The following CCNY variants were observed in gnomAD, a reference collection of about 807,000 sequenced individuals.
CCNY encodes cyclin-Y.
A neutral mutation model predicts 42.8 loss-of-function variants in CCNY; 19 were observed. That is an observed-to-expected ratio of 0.44 (90% CI 0.31 to 0.65). The LOEUF is 0.65. Among genes scored for constraint, CCNY ranks in the 30% least tolerant of loss-of-function variants. CCNY has a pLI of 0.07. For missense variants in CCNY, 370 were observed against 437.3 expected (o/e 0.85, Z 1.37); for synonymous variants, 165 against 162.7 (o/e 1.01, Z -0.11).
chr10:35,408,565 G>A (rs1837835229), intron 1 of CCNY, among the ~76,000 whole-genome samples: 1 of 152,128 alleles, frequency 6.6e-6, no homozygotes, highest in Non-Finnish European at 1.5e-5. Flanking sequence ...ACCTTCTTAA[G>A]GGTGGGGGAG....
At chr10:35,285,614 T>A (rs1165121104) in intron 3 of CCNY, among the ~76,000 whole-genome samples, 1 of 152,036 alleles carries the variant, frequency 6.6e-6, no homozygotes, top group African/African-American at 2.4e-5. Flanking sequence ...TTATCATAAT[T>A]ATTATTATTT....
intron 1 of CCNY, among the ~76,000 whole-genome samples, chr10:35,372,766 C>T (rs1034143159): frequency 6.6e-6 from 1 of 152,234 alleles, no homozygotes; most frequent in African/African-American, 2.4e-5. Context: ...ATGGCGCGAT[C>T]TCAGCTCACT....
At chr10:35,524,552 T>G (rs1344468165) in intron 4 of CCNY, among the ~76,000 whole-genome samples, 4 of 152,148 alleles carry the variant, frequency 2.6e-5, no homozygotes, top group African/African-American at 9.7e-5. Flanking sequence ...TCGGGCCGAG[T>G]CGGTACCCTG....
chr10:35,497,645 CAGG>C (rs1840027376), intron 2 of CCNY, among the ~76,000 whole-genome samples: 1 of 145,518 alleles, frequency 6.9e-6, no homozygotes, highest in Non-Finnish European at 1.5e-5. Flanking sequence ...GCAGGAGAGG[CAGG>C]AGAATTGCTT....
intron 1 of CCNY, among the ~76,000 whole-genome samples, chr10:35,374,610 G>A (rs1300524736): frequency 6.6e-6 from 1 of 152,194 alleles, no homozygotes; most frequent in Non-Finnish European, 1.5e-5. Context: ...TCCTCATTGA[G>A]CCCGTTAAAA....
intron 3 of CCNY, among the ~76,000 whole-genome samples, chr10:35,272,006 T>C (rs1287813432): frequency 1.3e-5 from 2 of 152,132 alleles, no homozygotes; most frequent in Non-Finnish European, 2.9e-5. Context: ...AATCTCTCTG[T>C]TTTTTTAGAC....
At chr10:35,278,440 C>T (rs528296424) in intron 3 of CCNY, among the ~76,000 whole-genome samples, 2 of 152,244 alleles carry the variant, frequency 1.3e-5, no homozygotes, top group East Asian at 1.9e-4. Context: ...GGGGTCCCTA[C>T]TGCCAGCTTG....
At chr10:35,478,370 A>G (rs1250771363) in intron 1 of CCNY, among the ~76,000 whole-genome samples, 4 of 151,658 alleles carry the variant, frequency 2.6e-5, no homozygotes, top group East Asian at 3.9e-4. Context: ...GAGGCATCAC[A>G]CTACCTGACT....
chr10:35,550,355 C>T (rs1023368771), intron 7 of CCNY, among the ~76,000 whole-genome samples: 13 of 152,200 alleles, frequency 8.5e-5, no homozygotes, highest in East Asian at 1.9e-4. Flanking sequence ...GCTTATGGCT[C>T]ATGACCTTAC....
At chr10:35,554,166 C>T (rs1271960063) in intron 8 of CCNY, among the ~76,000 whole-genome samples, 2 of 152,058 alleles carry the variant, frequency 1.3e-5, no homozygotes, top group African/African-American at 4.8e-5. Flanking sequence ...ACTACCACTG[C>T]AGGGGTGTCC....
chr10:35,282,720 C>CAA (rs71033390), intron 3 of CCNY, among the ~76,000 whole-genome samples: 16 of 88,248 alleles, frequency 1.8e-4, no homozygotes, highest in Middle Eastern at 6.0e-3. Flanking sequence ...GAGACTGTCT[C>CAA]AAAAAAAAAA....
At chr10:35,514,215 G>A (rs1009401472) in intron 3 of CCNY, among the ~76,000 whole-genome samples, 2 of 152,108 alleles carry the variant, frequency 1.3e-5, no homozygotes, top group African/African-American at 4.8e-5. Flanking sequence ...TTGTAGTCCT[G>A]ACAGTCAATA....
At chr10:35,506,872 C>A (rs1234367980) in intron 3 of CCNY, among the ~76,000 whole-genome samples, 3 of 152,204 alleles carry the variant, frequency 2.0e-5, no homozygotes, top group African/African-American at 7.2e-5. Context: ...AGCACAAATT[C>A]TTGACCACAG....
intron 1 of CCNY, among the ~76,000 whole-genome samples, chr10:35,477,826 T>C (rs1839552501): frequency 6.6e-6 from 1 of 151,728 alleles, no homozygotes; most frequent in African/African-American, 2.4e-5. Flanking sequence ...GGTATTCAAT[T>C]AGGAAAAGAG....
At chr10:35,467,599 TAAC>T (rs1431359259) in intron 1 of CCNY, among the ~76,000 whole-genome samples, 1 of 152,236 alleles carries the variant, frequency 6.6e-6, no homozygotes, top group East Asian at 1.9e-4. Context: ...TATATGCAAA[TAAC>T]AATAATTTTG....
upstream of CCNY, among the ~76,000 whole-genome samples, chr10:35,335,402 A>G: frequency 6.6e-6 from 1 of 152,136 alleles, no homozygotes; most frequent in East Asian, 1.9e-4. Flanking sequence ...GTTAACCTCC[A>G]AGGAACTCAA....
In CCNY at chr10:35,569,948, C is replaced by G; in HGVS notation, c.*778C>G. 6.5e-6 allele frequency: 1 copy of G among 152,780 alleles called. No individual in the cohort carries two copies. The highest frequency in any genetic ancestry group is 2.4e-5 in the African/African-American group (1 of 41,524). The allele number at this position is 152,780 out of a possible 1,614,324, so 9.5% of individuals were successfully genotyped here. A position where few individuals can be genotyped will look rare whatever the true frequency, so the allele number is the denominator to read the frequency against. On this transcript the variant is annotated 3_prime_UTR_variant, in exon 10 of 10. Transcript: ENST00000374704. ...GTGCTTGTGCCTTCCGATTTTCTTGCATTTGTTTTTTTCCTGACCTGAAGT... is the reference window on the plus strand; with the variant it reads ...GTGCTTGTGCCTTCCGATTTTCTTGGATTTGTTTTTTTCCTGACCTGAAGT...
At chr10:35,465,938 A>AGAGAGAGAGAGAGTGT in intron 1 of CCNY, among the ~76,000 whole-genome samples, 160 of 80,994 alleles carry the variant, frequency 2.0e-3, no homozygotes, top group East Asian at 4.7e-3. Flanking sequence ...AGAGAGAGAG[A>AGAGAGAGAGAGAGTGT]GTGTGTGTGT....
At chr10:35,464,758 G>A (rs1187713612) in intron 1 of CCNY, among the ~76,000 whole-genome samples, 1 of 152,074 alleles carries the variant, frequency 6.6e-6, no homozygotes, top group African/African-American at 2.4e-5. Flanking sequence ...CCTCACCATC[G>A]TGTTTCTCTT....
Sources: allele counts gnomAD v4.1 joint callset (sites outside exome capture counted in the v4.1 genomes callset), GRCh38; gene constraint gnomAD v4.1.1; transcripts MANE v1.5; gene names NCBI Gene and HGNC (gene_info 2026-07-23, HGNC 2026-07-21).